Variants in SLC25A26 observed in about 807,000 individuals in gnomAD.
The protein encoded by SLC25A26 is solute carrier family 25 member 26.
SLC25A26 carries 36 observed loss-of-function variants against 37.8 expected under a neutral mutation model. That is an observed-to-expected ratio of 0.95 (90% CI 0.73 to 1.26). The LOEUF (loss-of-function observed/expected upper bound fraction) is 1.26, where lower values mean the gene tolerates loss of function less well. Among genes scored for constraint, SLC25A26 ranks in the 50% most tolerant of loss-of-function variants. The probability of loss-of-function intolerance (pLI) is 0.00; values close to 1 mark genes in which losing one functional copy is unlikely to be tolerated. For missense variants in SLC25A26, 390 were observed against 331.1 expected (o/e 1.18, Z -1.38); for synonymous variants, 129 against 122.5 (o/e 1.05, Z -0.35).
At chr3:66,279,371 CA>C (rs2074262048) in intron 5 of SLC25A26, among the ~76,000 whole-genome samples, 1 of 152,148 alleles carries the variant, frequency 6.6e-6, no homozygotes, top group African/African-American at 2.4e-5. Flanking sequence ...GCTTTGTGGT[CA>C]GGCAGCCCAG....
chr3:66,319,087 G>A (rs1421815683), intron 5 of SLC25A26, among the ~76,000 whole-genome samples: 1 of 152,186 alleles, frequency 6.6e-6, no homozygotes. Context: ...CAAAGTCACA[G>A]CCATCCTTGA....
intron 3 of SLC25A26, among the ~76,000 whole-genome samples, chr3:66,253,918 G>T (rs1473865799): frequency 6.6e-6 from 1 of 152,182 alleles, no homozygotes; most frequent in Non-Finnish European, 1.5e-5. Context: ...TATCTTTTGG[G>T]TTGTATAAAA....
chr3:66,243,989 G>C (rs146018762), intron 3 of SLC25A26, among the ~76,000 whole-genome samples: 51 of 152,162 alleles, frequency 3.4e-4, no homozygotes, highest in African/African-American at 1.2e-3. Flanking sequence ...GTCTGTCCTT[G>C]TTCTTCCCCA....
intron 5 of SLC25A26, among the ~76,000 whole-genome samples, chr3:66,274,043 A>T (rs973639758): frequency 7.9e-5 from 12 of 152,240 alleles, no homozygotes; most frequent in African/African-American, 2.7e-4. Flanking sequence ...TACTGGTACC[A>T]AAACAGAGAT....
At chr3:66,342,134 C>T (rs945953219) in intron 5 of SLC25A26, among the ~76,000 whole-genome samples, 2 of 152,126 alleles carry the variant, frequency 1.3e-5, no homozygotes, top group African/African-American at 4.8e-5. Context: ...CTGTGAATCA[C>T]CTGTAGATCT....
chr3:66,271,791 G>A (rs752621415), intron 5 of SLC25A26, among the ~76,000 whole-genome samples: 5 of 151,818 alleles, frequency 3.3e-5, no homozygotes, highest in South Asian at 2.1e-4. Context: ...GGCATCCATC[G>A]TTGTTAAGAT....
chr3:66,362,927 C>T lies in SLC25A26; in HGVS notation c.566C>T (p.Ala189Val). ...SWQSAVCGAF[A>V]GGFAAAVTTP... ...CAGTCAGCAGTCTGTGGAGCTTTTG[C>T]AGGTGCAAAGGATTATATTATACTG... Residue 189 changes from alanine to valine, a missense_variant and splice_region_variant, in exon 7 of 10, where the codon GCA becomes GTA. Physicochemically the swap from Ala to Val is moderately conservative, Grantham distance 64. Transcript: ENST00000354883. 1.3e-6 allele frequency: 2 copies of T among 1,599,430 alleles called. No individual in the cohort carries two copies. The highest frequency in any genetic ancestry group is 2.3e-5 in the South Asian group (2 of 88,428).
rs189816697 is a variant in SLC25A26, at chr3:66,221,127, G to T, written c.33G>T (p.Val11=). The T allele has an allele frequency of 1.4e-5, 21 of 1,529,854 alleles. No homozygotes were observed. In the African/African-American group the frequency reaches 2.6e-4, roughly 19 times the overall value. The allele number at this position is 1,529,854 out of a possible 1,614,324, so 94.8% of individuals were successfully genotyped here. MDRPGFVAAL[V]AGGVAGVSVD... The stretch of plus-strand genomic sequence containing the variant: ...GGCCGGGGTTCGTGGCAGCGCTGGT[G>T]GTGAGTGCGGGGCGGTGGGGTGGGT... Residue 11 remains valine, a splice_region_variant and synonymous_variant, in exon 1 of 10, where the codon GTG becomes GTT. Coordinates refer to ENST00000354883, the MANE Select transcript of SLC25A26 (RefSeq NM_001379210.1).
intron 7 of SLC25A26, among the ~76,000 whole-genome samples, chr3:66,366,122 G>C (rs752193144): frequency 6.6e-6 from 1 of 152,190 alleles, no homozygotes; most frequent in Non-Finnish European, 1.5e-5. Context: ...CTCGAAAGCA[G>C]TTAGCCTAAC....
chr3:66,375,733 G>A (rs1305781636), intron 9 of SLC25A26, among the ~76,000 whole-genome samples: 12 of 152,130 alleles, frequency 7.9e-5, no homozygotes, highest in African/African-American at 7.2e-5. Flanking sequence ...CATTGACAGT[G>A]TACCTGGTCA....
chr3:66,246,664 C>T (rs2072857210), intron 3 of SLC25A26, among the ~76,000 whole-genome samples: 1 of 152,124 alleles, frequency 6.6e-6, no homozygotes, highest in African/African-American at 2.4e-5. Flanking sequence ...TAAGGACATT[C>T]TTACCTACAT....
chr3:66,262,247 G>C (rs2073560140), intron 4 of SLC25A26, 92 bp downstream of exon 4: 2 of 595,384 alleles, frequency 3.4e-6, no homozygotes, highest in Non-Finnish European at 5.6e-6. Flanking sequence ...GAGCCTTAGA[G>C]AAAACTTTAG....
chr3:66,135,511 T>C (rs944990173), intron 1 of SLC25A26, among the ~76,000 whole-genome samples: 1 of 152,212 alleles, frequency 6.6e-6, no homozygotes, highest in Non-Finnish European at 1.5e-5. Flanking sequence ...CTCATGCCTG[T>C]ATTCTAAGCA....
At chr3:66,370,482 T>C in intron 8 of SLC25A26, 47 bp from the exon 9 acceptor site, 4 of 1,485,928 alleles carry the variant, frequency 2.7e-6, no homozygotes, top group Admixed American at 1.7e-5. Context: ...AAGTGTGTGA[T>C]TGGGAGCTTC....
chr3:66,275,441 A>G (rs980122716), intron 5 of SLC25A26, among the ~76,000 whole-genome samples: 7 of 151,984 alleles, frequency 4.6e-5, no homozygotes, highest in African/African-American at 1.7e-4. Flanking sequence ...TCTTCCCTTC[A>G]CTAGAATGTA....
At chr3:66,323,293 A>C (rs2075745645) in intron 5 of SLC25A26, among the ~76,000 whole-genome samples, 2 of 152,196 alleles carry the variant, frequency 1.3e-5, no homozygotes, top group Admixed American at 1.3e-4. Context: ...TTTCCAGTCA[A>C]CCTTATAGTG....
chr3:66,267,485 G>C (rs1438619738), intron 5 of SLC25A26, among the ~76,000 whole-genome samples: 1 of 152,144 alleles, frequency 6.6e-6, no homozygotes, highest in East Asian at 1.9e-4. Flanking sequence ...TTTGGGAAAA[G>C]CCCTTGAAAG....
intron 3 of SLC25A26, among the ~76,000 whole-genome samples, chr3:66,243,792 C>T (rs1469417132): frequency 6.6e-6 from 1 of 152,220 alleles, no homozygotes; most frequent in Non-Finnish European, 1.5e-5. Flanking sequence ...GCAGCTCACA[C>T]ACCCTGTCAC....
intron 9 of SLC25A26, among the ~76,000 whole-genome samples, chr3:66,372,400 G>C (rs1474483047): frequency 2.0e-5 from 3 of 152,182 alleles, no homozygotes; most frequent in African/African-American, 7.2e-5. Context: ...TAGGAGTTAT[G>C]TTGAGTAGAT....
Sources: gnomAD v4.1 joint callset for allele counts (sites outside exome capture counted in the v4.1 genomes callset) on GRCh38, gnomAD v4.1.1 for gene constraint, MANE v1.5 for transcripts, NCBI Gene and HGNC (gene_info 2026-07-23, HGNC 2026-07-21) for gene names.